ADAM29: variants seen among roughly 807,000 people sequenced by gnomAD.
The protein encoded by ADAM29 is disintegrin and metalloproteinase domain-containing protein 29.
For synonymous variants in ADAM29, 367 were observed against 342.3 expected (o/e 1.07, Z -0.80); for missense variants, 969 against 1,001.8 (o/e 0.97, Z 0.44).
At chr4:174,944,588 G>A (rs1744733465) in intron 4 of ADAM29, among the ~76,000 whole-genome samples, 1 of 152,076 alleles carries the variant, frequency 6.6e-6, no homozygotes, top group South Asian at 2.1e-4. Flanking sequence ...TAGGCAAACT[G>A]TGTGTTATGG....
chr4:174,936,469 T>C (rs1395568836), intron 3 of ADAM29, among the ~76,000 whole-genome samples: 1 of 151,964 alleles, frequency 6.6e-6, no homozygotes, highest in Non-Finnish European at 1.5e-5. Context: ...TAAATTGACT[T>C]CCTTTATGTT....
chr4:174,925,391 CG>C (rs894355797), intron 2 of ADAM29, among the ~76,000 whole-genome samples: 8 of 151,522 alleles, frequency 5.3e-5, no homozygotes, highest in African/African-American at 1.9e-4. Context: ...TAAATTAAAA[CG>C]GTTTTAAAAA....
chr4:174,945,123 T>C (rs1246488502), intron 4 of ADAM29, among the ~76,000 whole-genome samples: 2 of 152,198 alleles, frequency 1.3e-5, no homozygotes, highest in Non-Finnish European at 2.9e-5. Flanking sequence ...ATTAGACCTG[T>C]ATAAGCATTC....
Position 174,926,977 on chromosome 4 carries a change from C to A in ADAM29, c.-450-4009C>A, listed in dbSNP as rs185832111. The stretch of plus-strand genomic sequence containing the variant: ...CAAAATATTTCAGCAGACATTCCAC[C>A]GAAGAATATACATAAATGTCAAATA... On this transcript the variant is annotated intron_variant, in intron 2 of 4. Transcript: ENST00000359240. 2.3e-4 allele frequency among the ~76,000 whole-genome samples: 35 copies of A among 151,824 alleles called. No homozygotes were observed. The East Asian group carries it at 6.8e-3, about 29-fold the overall frequency.
chr4:174,975,953 C>T lies in ADAM29; in HGVS notation c.428C>T (p.Thr143Ile), dbSNP rs202053658. The T allele has an allele frequency of 7.4e-6, 12 of 1,614,048 alleles. No individual in the cohort carries two copies. The highest frequency in any genetic ancestry group is 1.6e-4 in the Middle Eastern group (1 of 6,062). ...GAAATCAAGCCCCTAGCATTTTCTA[C>T]CACGTTTGAACATCTGGTATACAAG... ...AYEIKPLAFS[T>I]TFEHLVYKMD... is the part of the protein sequence containing the mutation. The change falls in exon 5 of 5, where the codon ACC becomes ATC. Residue 143 changes from threonine (T) to isoleucine (I), a missense_variant. Coordinates refer to ENST00000359240, the MANE Select transcript of ADAM29 (RefSeq NM_014269.4).
chr4:174,932,813 T>G (rs1743973833), intron 3 of ADAM29, among the ~76,000 whole-genome samples: 1 of 152,190 alleles, frequency 6.6e-6, no homozygotes, highest in Non-Finnish European at 1.5e-5. Context: ...AAGCAGTTCT[T>G]TCGTCTCAAA....
At chr4:174,945,307 T>G (rs1400672078) in intron 4 of ADAM29, among the ~76,000 whole-genome samples, 4 of 152,116 alleles carry the variant, frequency 2.6e-5, no homozygotes, top group African/African-American at 4.8e-5. Context: ...TGAAAGGGTG[T>G]CTGCTTATGT....
chr4:174,948,433 A>T (rs1402204903), intron 4 of ADAM29, among the ~76,000 whole-genome samples: 3 of 152,146 alleles, frequency 2.0e-5, no homozygotes, highest in African/African-American at 7.2e-5. Context: ...AGGAGTCCAA[A>T]GCTCAGCTCG....
chr4:174,976,326 C>G lies in ADAM29; in HGVS notation c.801C>G (p.His267Gln). The G allele has an allele frequency of 6.2e-7, 1 of 1,611,820 alleles. No individual in the cohort carries two copies. The highest frequency in any genetic ancestry group is 1.7e-5 in the Admixed American group (1 of 59,506). Residue 267 changes from histidine (H) to glutamine (Q), a missense_variant, in exon 5 of 5, where the codon CAC becomes CAG. His to Gln is a conservative substitution (Grantham distance 24, BLOSUM62 0). Coordinates refer to ENST00000359240, the MANE Select transcript of ADAM29 (RefSeq NM_014269.4). The part of the protein sequence containing the change: ...IVVDDVRKSV[H>Q]LYCKWKSENI... ...TAGATGATGTAAGGAAATCTGTGCA[C>G]CTGTATTGCAAGTGGAAGTCGGAGA...
At chr4:174,969,562 A>G (rs1746352630) in intron 4 of ADAM29, among the ~76,000 whole-genome samples, 2 of 152,028 alleles carry the variant, frequency 1.3e-5, no homozygotes, top group African/African-American at 4.8e-5. Flanking sequence ...TGTACTTCAC[A>G]GTAAACTATA....
chr4:174,936,302 CAAAGA>C (rs1358461785), intron 3 of ADAM29, among the ~76,000 whole-genome samples: 4 of 151,836 alleles, frequency 2.6e-5, no homozygotes, highest in African/African-American at 9.7e-5. Flanking sequence ...CCATGTAGAA[CAAAGA>C]AAAGTGCCTA....
rs543091978 is a variant in ADAM29 at position 174,969,116 on chromosome 4, T to C, written c.-180-6230T>C. Among the ~76,000 whole-genome samples, 8 of 151,968 alleles carry C rather than the reference T, an allele frequency of 5.3e-5. 1 individual carries two copies. The highest frequency in any genetic ancestry group is 1.4e-4 in the African/African-American group (6 of 41,528). On this transcript the variant is annotated intron_variant, in intron 4 of 4. Transcript: ENST00000359240. ...AAACTTAGTCTCTTATTTTCCAGTA[T>C]TGGAAAAATTAACATCATCTTCTTC...
intron 4 of ADAM29, among the ~76,000 whole-genome samples, chr4:174,964,401 A>G (rs1002644552): frequency 2.0e-5 from 3 of 150,774 alleles, no homozygotes; most frequent in African/African-American, 5.0e-5. Context: ...TCTAGATACC[A>G]TAACAGAAAA....
intron 4 of ADAM29, among the ~76,000 whole-genome samples, chr4:174,957,878 C>T (rs572459337): frequency 2.1e-4 from 32 of 151,756 alleles, no homozygotes; most frequent in Non-Finnish European, 3.5e-4. Context: ...TTTGAAAAGG[C>T]ATTTGGTGAT....
intron 4 of ADAM29, among the ~76,000 whole-genome samples, chr4:174,959,457 C>CTGTG (rs34184384): frequency 0.11 from 15,699 of 145,576 alleles, 1,008 homozygotes; most frequent in Non-Finnish European, 0.14. Context: ...ATGAGAAAGA[C>CTGTG]TGTGTGTGTG....
At chr4:174,973,961 T>C (rs919550401) in intron 4 of ADAM29, among the ~76,000 whole-genome samples, 2 of 152,224 alleles carry the variant, frequency 1.3e-5, no homozygotes, top group African/African-American at 4.8e-5. Context: ...TTGTATCAGC[T>C]AGGTAGGCCT....
chr4:174,944,800 T>C (rs1183747276), intron 4 of ADAM29, among the ~76,000 whole-genome samples: 2 of 152,188 alleles, frequency 1.3e-5, no homozygotes, highest in African/African-American at 4.8e-5. Context: ...TCTGTTTCTG[T>C]GTTAGTTTGC....
At chr4:174,947,057 G>GT (rs919163845) in intron 4 of ADAM29, among the ~76,000 whole-genome samples, 4 of 151,964 alleles carry the variant, frequency 2.6e-5, no homozygotes, top group South Asian at 2.1e-4. Context: ...GTCTCTGAGG[G>GT]TTTTTTTGTA....
In ADAM29 at chr4:174,931,020, G is replaced by C. The variant is rs556451802; in HGVS notation, c.-416G>C. ...CAAAACATTCTCCCTGCAGTCTCAC[G>C]AACTGTGAACAAAAACTGAAGTGAA... On this transcript the variant is annotated 5_prime_UTR_variant, in exon 3 of 5. Transcript: ENST00000359240. 1 of 151,836 alleles carries C rather than the reference G, an allele frequency of 6.6e-6. No homozygotes were observed. The highest frequency in any genetic ancestry group is 1.5e-5 in the Non-Finnish European group (1 of 67,998). The allele number at this position is 151,836 out of a possible 1,614,324, so 9.4% of individuals were successfully genotyped here. A position where few individuals can be genotyped will look rare whatever the true frequency, so the allele number is the denominator to read the frequency against.
Sources: allele counts gnomAD v4.1 joint callset (sites outside exome capture counted in the v4.1 genomes callset), GRCh38; gene constraint gnomAD v4.1.1; transcripts MANE v1.5; gene names NCBI Gene and HGNC (gene_info 2026-07-23, HGNC 2026-07-21).